Variants in IMPG2 observed in about 807,000 individuals in gnomAD.
IMPG2 encodes IPM 200.
Under a neutral mutation model 129.2 loss-of-function variants are expected in IMPG2, and 91 were observed. The observed-to-expected ratio is 0.70, with a 90% CI of 0.59 to 0.84. The LOEUF (loss-of-function observed/expected upper bound fraction) is 0.84, where lower values mean the gene tolerates loss of function less well. Ranked by LOEUF, IMPG2 falls within the 40% of genes least tolerant of loss-of-function variation. The probability of loss-of-function intolerance (pLI) is 0.00; values close to 1 mark genes in which losing one functional copy is unlikely to be tolerated. For missense variants in IMPG2, 1,430 were observed against 1,461.7 expected, an observed-to-expected ratio of 0.98 and a Z score of 0.35; for synonymous variants, 510 against 517.7, an observed-to-expected ratio of 0.99 and a Z score of 0.20.
intron 2 of IMPG2, among the ~76,000 whole-genome samples, chr3:101,314,237 C>T (rs537969856): frequency 4.9e-4 from 74 of 152,188 alleles, no homozygotes; most frequent in African/African-American, 1.7e-3. Flanking sequence ...TAAAAACAAA[C>T]AGCCAATAAA....
At chr3:101,272,974 T>C (rs996762073) in intron 7 of IMPG2, among the ~76,000 whole-genome samples, 3 of 152,206 alleles carry the variant, frequency 2.0e-5, no homozygotes, top group Non-Finnish European at 2.9e-5. Flanking sequence ...TGGGTCATTT[T>C]TGACTGAAAA....
chr3:101,257,000 G>A (rs904530403), intron 10 of IMPG2, among the ~76,000 whole-genome samples: 5 of 151,958 alleles, frequency 3.3e-5, no homozygotes, highest in African/African-American at 7.3e-5. Context: ...ATATCCACCT[G>A]TTCATTATGG....
rs76505060 is a variant in IMPG2, at chr3:101,240,986, T to C, written c.3022+1702A>G. ...AAGAAAATTTTACATTTCAACAGTG[T>C]TCTCTGCATCCAAGGCTTCCAAATA... On this transcript the variant is annotated intron_variant, in intron 14 of 18. Transcript: ENST00000193391. 2.8e-3 allele frequency among the ~76,000 whole-genome samples: 431 copies of C among 152,318 alleles called. 1 individual carries two copies. Among genetic ancestry groups the C allele is most frequent in the African/African-American group, 0.01 (416 of 41,574 alleles).
Position 101,286,015 on chromosome 3 carries a change from T to C in IMPG2, c.533+5464A>G, listed in dbSNP as rs570631977. Among the ~76,000 whole-genome samples, 4 of 152,294 alleles carry C rather than the reference T, an allele frequency of 2.6e-5. No individual in the cohort carries two copies. The South Asian group carries it at 6.2e-4, about 24-fold the overall frequency. On this transcript the variant is annotated intron_variant, in intron 4 of 18. Coordinates refer to ENST00000193391, the MANE Select transcript of IMPG2 (RefSeq NM_016247.4). ...AAAATATCCTAATAATTTAAATACA[T>C]ATGCATTATAGCATAGGGGTTGAAT... is the stretch of plus-strand genomic sequence containing the variant.
intron 11 of IMPG2, 40 bp from the exon 12 acceptor site, chr3:101,246,145 G>T: frequency 6.3e-7 from 1 of 1,596,324 alleles, no homozygotes; most frequent in South Asian, 1.1e-5. Context: ...ATAGATAAAA[G>T]AAACATATAA....
Position 101,243,978 on chromosome 3 carries a change from T to C in IMPG2, c.2353A>G (p.Thr785Ala), listed in dbSNP as rs146633177. ...AATTTCTCTAGGGAAGAAGTTCTTGTCCAAACTCTCTCTGATTCTGGCAAT... is the reference window on the plus strand; with the variant it reads ...AATTTCTCTAGGGAAGAAGTTCTTGCCCAAACTCTCTCTGATTCTGGCAAT... ...TILPESERVW[T>A]RTSSLEKLSR... Residue 785 changes from threonine (T) to alanine (A), a missense_variant, in exon 13 of 19, where the codon ACA becomes GCA. By Grantham distance (58) the Thr-to-Ala change is moderately conservative (BLOSUM62 0). Transcript: ENST00000193391. 1.2e-6 allele frequency: 2 copies of C among 1,614,054 alleles called. No homozygotes were observed. Among genetic ancestry groups the C allele is most frequent in the East Asian group, 2.2e-5 (1 of 44,890 alleles).
In IMPG2 at chr3:101,246,079, G is replaced by C; in HGVS notation, c.1266C>G (p.Pro422=). 3 of 1,614,086 alleles carry C rather than the reference G, an allele frequency of 1.9e-6. No individual in the cohort carries two copies. The highest frequency in any genetic ancestry group is 2.5e-6 in the Non-Finnish European group (3 of 1,179,988). ...ILDNTFQAAW[P]SADESITSSI... ...TGCTGGTGATGGATTCATCTGCTGAGGGCCATGCAGCTTGAAAGGTATTAT... is the reference window on the plus strand; with the variant it reads ...TGCTGGTGATGGATTCATCTGCTGACGGCCATGCAGCTTGAAAGGTATTAT... The change falls in exon 12 of 19, where the codon CCC becomes CCG. Residue 422 remains proline (P), a synonymous_variant. Coordinates refer to ENST00000193391, the MANE Select transcript of IMPG2 (RefSeq NM_016247.4).
At chr3:101,287,866 G>A (rs1200972347) in intron 4 of IMPG2, among the ~76,000 whole-genome samples, 1 of 152,058 alleles carries the variant, frequency 6.6e-6, no homozygotes, top group Non-Finnish European at 1.5e-5. Context: ...AAAAGCAATT[G>A]CAACAAAAAC....
At chr3:101,251,981 C>T (rs911681080) in intron 11 of IMPG2, among the ~76,000 whole-genome samples, 9 of 152,144 alleles carry the variant, frequency 5.9e-5, no homozygotes, top group Admixed American at 1.3e-4. Context: ...CTCCCATTAA[C>T]GTTCTGATGT....
Position 101,228,834 on chromosome 3 carries a change from C to T in IMPG2, c.3676G>A (p.Asp1226Asn). The stretch of plus-strand genomic sequence containing the variant: ...CTCACAAAAGCTGCAAACTCAGGAT[C>T]ATTGGCATACAGTTCCAAAACTCTC... ...RMRVLELYANDPEFAAFVREQ... is the reference protein window; with the variant it reads ...RMRVLELYANNPEFAAFVREQ... Residue 1226 changes from aspartate (D) to asparagine (N), a missense_variant, in exon 18 of 19, where the codon GAT (aspartate) becomes AAT (asparagine). Asp to Asn is a conservative substitution (Grantham distance 23). Transcript: ENST00000193391. 1 of 1,614,014 alleles carries T rather than the reference C, an allele frequency of 6.2e-7. No homozygotes were observed. The highest frequency in any genetic ancestry group is 8.5e-7 in the Non-Finnish European group (1 of 1,179,920).
rs1256990547 is a variant in IMPG2, at chr3:101,320,411, CTTAA to C, written c.-43_-40del. The C allele has an allele frequency of 8.7e-6, 11 of 1,257,594 alleles. No individual in the cohort carries two copies. Among genetic ancestry groups the C allele is most frequent in the African/African-American group, 4.4e-5 (3 of 67,588 alleles). The allele number at this position is 1,257,594 out of a possible 1,614,324, so 77.9% of individuals were successfully genotyped here. On this transcript the variant is annotated 5_prime_UTR_variant, in exon 1 of 19. The change abolishes the stop of an existing upstream ORF in the 5' untranslated region. Transcript: ENST00000193391. ...AAAGGAATGAGGAGAGGACAGAATC[CTTAA>C]TTGAGTGTCCAAATCCTTGAAACTT...
chr3:101,236,805 T>A (rs1330556020), intron 14 of IMPG2, among the ~76,000 whole-genome samples: 1 of 150,948 alleles, frequency 6.6e-6, no homozygotes, highest in Non-Finnish European at 1.5e-5. Flanking sequence ...GCTGCAGGAG[T>A]TGGTTTGTTT....
chr3:101,243,913 G>A lies in IMPG2; in HGVS notation c.2418C>T (p.Asp806=), dbSNP rs1343354241. 6.2e-7 allele frequency: 1 copy of A among 1,614,184 alleles called. No homozygotes were observed. The highest frequency in any genetic ancestry group is 1.7e-5 in the Admixed American group (1 of 60,018). The part of the protein sequence containing the change: ...DILASTPQSA[D]RLWLSVTQST... ...ACTGTGTCACAGATAACCAGAGCCTGTCAGCACTCTGTGGTGTACTTGCCA... is the reference window on the plus strand; with the variant it reads ...ACTGTGTCACAGATAACCAGAGCCTATCAGCACTCTGTGGTGTACTTGCCA... The change falls in exon 13 of 19, where the codon GAC becomes GAT. Residue 806 remains aspartate (D), a synonymous_variant. Coordinates refer to ENST00000193391, the MANE Select transcript of IMPG2 (RefSeq NM_016247.4).
At chr3:101,275,797 G>A in intron 5 of IMPG2, 52 bp from the exon 6 acceptor site, 1 of 1,302,760 alleles carries the variant, frequency 7.7e-7, no homozygotes, top group Non-Finnish European at 1.1e-6. Flanking sequence ...GATTAAGTCA[G>A]AATTCCTATC....
intron 9 of IMPG2, among the ~76,000 whole-genome samples, chr3:101,265,679 CA>C (rs1706714668): frequency 6.6e-6 from 1 of 151,950 alleles, no homozygotes; most frequent in South Asian, 2.1e-4. Context: ...GCATGGGCAA[CA>C]AAAGCAAAAA....
intron 7 of IMPG2, among the ~76,000 whole-genome samples, chr3:101,270,090 A>G (rs1303635987): frequency 6.6e-6 from 1 of 151,818 alleles, no homozygotes; most frequent in Non-Finnish European, 1.5e-5. Flanking sequence ...GGTGTGCGCC[A>G]CCATGCTCGG....
rs1054776227 is a variant in IMPG2, at chr3:101,288,692, G to A, written c.533+2787C>T. 2.6e-5 allele frequency among the ~76,000 whole-genome samples: 4 copies of A among 152,118 alleles called. No individual in the cohort carries two copies. In the East Asian group the frequency reaches 7.7e-4, roughly 29 times the overall value. ...AAACATAGGAACAATAGACACTGTG[G>A]ACTACTAGAAGGCGGGTAGGTGTGG... On this transcript the variant is annotated intron_variant, in intron 4 of 18. Coordinates refer to ENST00000193391, the MANE Select transcript of IMPG2 (RefSeq NM_016247.4).
chr3:101,306,945 GT>G (rs1378862840), intron 2 of IMPG2, among the ~76,000 whole-genome samples: 1 of 152,104 alleles, frequency 6.6e-6, no homozygotes, highest in African/African-American at 2.4e-5. Context: ...ATAAAAATGA[GT>G]AGGCAAACCA....
Position 101,245,988 on chromosome 3 carries a change from T to A in IMPG2, c.1357A>T (p.Ser453Cys), listed in dbSNP as rs752173755. The A allele has an allele frequency of 2.5e-6, 4 of 1,614,030 alleles. No homozygotes were observed. The highest frequency in any genetic ancestry group is 3.4e-6 in the Non-Finnish European group (4 of 1,180,018). The change falls in exon 12 of 19, where the codon AGT (serine) becomes TGT (cysteine). Residue 453 changes from serine to cysteine, a missense_variant. Coordinates refer to ENST00000193391, the MANE Select transcript of IMPG2 (RefSeq NM_016247.4). ...SATGRELWSE[S>C]PLGDLVSTHK... ...GTAGACACTAAATCACCCAAAGGACTTTCTGACCAGAGTTCCCTGCCAGTG... is the reference window on the plus strand; with the variant it reads ...GTAGACACTAAATCACCCAAAGGACATTCTGACCAGAGTTCCCTGCCAGTG...
Sources: gnomAD v4.1 joint callset for allele counts (sites outside exome capture counted in the v4.1 genomes callset) on GRCh38, gnomAD v4.1.1 for gene constraint, MANE v1.5 for transcripts, NCBI Gene and HGNC (gene_info 2026-07-23, HGNC 2026-07-21) for gene names.